SPATA13: variants seen among roughly 807,000 people sequenced by gnomAD.
SPATA13 encodes spermatogenesis associated 13.
In SPATA13, 50 loss-of-function variants were observed where a neutral mutation model predicts 104.0. The observed-to-expected ratio is 0.48, with a 90% CI of 0.38 to 0.61. SPATA13 has a LOEUF of 0.61. Ranked by LOEUF, SPATA13 falls within the 20% of genes least tolerant of loss-of-function variation. The pLI, the probability that SPATA13 is intolerant of heterozygous loss-of-function variation, is 0.00. For missense variants in SPATA13, 1,524 were observed against 1,690.6 expected (o/e 0.90, Z 1.73); for synonymous variants, 606 against 667.5 (o/e 0.91, Z 1.42).
chr13:24,122,077 T>C, intron 3 of SPATA13: 2 of 1,596,566 alleles, frequency 1.3e-6, no homozygotes, highest in Non-Finnish European at 1.7e-6. Flanking sequence ...AATTCATCCC[T>C]GGTGCTGGGC....
intron 1 of SPATA13, among the ~76,000 whole-genome samples, chr13:24,199,278 G>A (rs1870270697): frequency 6.6e-6 from 1 of 152,188 alleles, no homozygotes; most frequent in African/African-American, 2.4e-5. Flanking sequence ...CAGCCGCTGA[G>A]CTCTTCGGAA....
intron 1 of SPATA13, among the ~76,000 whole-genome samples, chr13:24,199,674 A>T (rs1344857301): frequency 6.6e-6 from 1 of 152,128 alleles, no homozygotes; most frequent in Admixed American, 6.6e-5. Context: ...GCGTCTTGTG[A>T]TCTAAGCTCT....
At position 24,249,532 on chromosome 13, in the gene SPATA13, A is replaced by T; in HGVS notation, c.1709A>T (p.Glu570Val). The T allele has an allele frequency of 6.2e-7, 1 of 1,610,336 alleles. No individual in the cohort carries two copies. The highest frequency in any genetic ancestry group is 2.2e-5 in the East Asian group (1 of 44,650). The change falls in exon 3 of 13, where the codon GAG (glutamate) becomes GTG (valine). Residue 570 changes from glutamate to valine, a missense_variant. By Grantham distance (121) the Glu-to-Val change is moderately radical. Transcript: ENST00000382108. The stretch of plus-strand genomic sequence containing the variant: ...TCATCACAGGATGAGGAAAGGACAG[A>T]GGCACAGAGAACCCCCAAGAGGAGA... ...RSSSQDEERT[E>V]AQRTPKRRWG...
chr13:24,196,775 T>C (rs1204916517), intron 1 of SPATA13, among the ~76,000 whole-genome samples: 1 of 152,128 alleles, frequency 6.6e-6, no homozygotes, highest in African/African-American at 2.4e-5. Flanking sequence ...CTAGTACATG[T>C]CGGGCACTTA....
chr13:24,094,060 G>A (rs1214257181), intron 3 of SPATA13, among the ~76,000 whole-genome samples: 3 of 152,182 alleles, frequency 2.0e-5, no homozygotes, highest in Admixed American at 6.5e-5. Context: ...CTTCTATACC[G>A]GAATGTCCTG....
At chr13:24,235,992 G>A (rs1237083305) in intron 2 of SPATA13, among the ~76,000 whole-genome samples, 1 of 152,124 alleles carries the variant, frequency 6.6e-6, no homozygotes, top group Non-Finnish European at 1.5e-5. Flanking sequence ...TGTGACATAG[G>A]TGATTTTTGT....
intron 3 of SPATA13, among the ~76,000 whole-genome samples, chr13:24,131,302 A>G (rs953540869): frequency 1.3e-5 from 2 of 152,150 alleles, no homozygotes; most frequent in African/African-American, 4.8e-5. Flanking sequence ...CCTCTTTCCT[A>G]TGATGCTTCT....
rs556312550 is a variant in SPATA13 at position 24,235,983 on chromosome 13, G to A, written c.1653+11401G>A. Among the ~76,000 whole-genome samples the A allele has an allele frequency of 2.6e-5, 4 of 152,278 alleles. No homozygotes were observed. The South Asian group carries it at 8.3e-4, about 32-fold the overall frequency. On this transcript the variant is annotated intron_variant, in intron 2 of 12. Coordinates refer to ENST00000382108, the MANE Select transcript of SPATA13 (RefSeq NM_001166271.3). Reference sequence around the variant, plus strand: ...TTGCATTCAGTTTTCACAGCCACTTGTGACATAGGTGATTTTTGTATTTGC... The same window carrying A: ...TTGCATTCAGTTTTCACAGCCACTTATGACATAGGTGATTTTTGTATTTGC...
At chr13:23,985,142 T>C (rs2137651186) in intron 2 of SPATA13, among the ~76,000 whole-genome samples, 1 of 152,292 alleles carries the variant, frequency 6.6e-6, no homozygotes, top group Non-Finnish European at 1.5e-5. Context: ...GGCGTGGGCA[T>C]AGTGAAATGC....
chr13:23,995,238 A>G (rs1310804277), intron 2 of SPATA13, among the ~76,000 whole-genome samples: 1 of 143,192 alleles, frequency 7.0e-6, no homozygotes, highest in Non-Finnish European at 1.6e-5. Context: ...TACTTAGCTG[A>G]TCTTCTGATT....
chr13:24,086,195 C>T (rs1466790110), intron 3 of SPATA13, among the ~76,000 whole-genome samples: 1 of 152,162 alleles, frequency 6.6e-6, no homozygotes, highest in Non-Finnish European at 1.5e-5. Context: ...ATATAACAGG[C>T]CCGGCTACGT....
chr13:24,241,270 G>A (rs1483682581), intron 2 of SPATA13, among the ~76,000 whole-genome samples: 1 of 152,192 alleles, frequency 6.6e-6, no homozygotes, highest in Non-Finnish European at 1.5e-5. Flanking sequence ...TATTGTGCCT[G>A]GTCTGTTTCT....
At chr13:24,003,897 A>G (rs1366081940) in intron 2 of SPATA13, among the ~76,000 whole-genome samples, 3 of 152,174 alleles carry the variant, frequency 2.0e-5, no homozygotes, top group Non-Finnish European at 4.4e-5. Flanking sequence ...CCCATTAAAC[A>G]AGAACCAATA....
At chr13:24,192,467 G>T (rs1011537294) in intron 1 of SPATA13, among the ~76,000 whole-genome samples, 2 of 151,896 alleles carry the variant, frequency 1.3e-5, no homozygotes, top group African/African-American at 2.4e-5. Flanking sequence ...CCTCCTACCC[G>T]CTGAAACAGC....
At chr13:24,045,906 A>G (rs1445320597) in intron 3 of SPATA13, among the ~76,000 whole-genome samples, 2 of 152,202 alleles carry the variant, frequency 1.3e-5, no homozygotes, top group Non-Finnish European at 2.9e-5. Context: ...AATCTGGAGA[A>G]TGGGATCATA....
Position 24,219,839 on chromosome 13 carries a change from A to G in SPATA13, c.-111-2980A>G, listed in dbSNP as rs140836876. Among the ~76,000 whole-genome samples the G allele has an allele frequency of 3.4e-3, 514 of 152,308 alleles. 1 individual carries two copies. Among genetic ancestry groups the G allele is most frequent in the Non-Finnish European group, 5.3e-3 (362 of 68,022 alleles). On this transcript the variant is annotated intron_variant, in intron 1 of 12. Transcript: ENST00000382108. ...ACTTTCACCTTAATTTTACTAATTT[A>G]TCGCACTGAGCTTTCCTTCCAATGA... is the stretch of plus-strand genomic sequence containing the variant.
intron 1 of SPATA13, among the ~76,000 whole-genome samples, chr13:24,208,832 G>A (rs1870856266): frequency 6.6e-6 from 1 of 152,154 alleles, no homozygotes; most frequent in Non-Finnish European, 1.5e-5. Flanking sequence ...TACCGCACTT[G>A]GTTTAATTTG....
chr13:24,182,673 T>C (rs1000265520), intron 1 of SPATA13, among the ~76,000 whole-genome samples: 2 of 152,168 alleles, frequency 1.3e-5, no homozygotes, highest in Non-Finnish European at 2.9e-5. Flanking sequence ...GGGATCACAT[T>C]TCAATGTGAG....
At chr13:24,298,513 C>G (rs1438104671) in intron 11 of SPATA13, among the ~76,000 whole-genome samples, 2 of 152,200 alleles carry the variant, frequency 1.3e-5, no homozygotes, top group East Asian at 3.9e-4. Context: ...CACCCACAGT[C>G]TCTGAGCCTC....
Sources: gnomAD v4.1 joint callset for allele counts (sites outside exome capture counted in the v4.1 genomes callset) on GRCh38, gnomAD v4.1.1 for gene constraint, MANE v1.5 for transcripts, NCBI Gene and HGNC (gene_info 2026-07-23, HGNC 2026-07-21) for gene names.